PET100: variants seen among roughly 807,000 people sequenced by gnomAD.
PET100 encodes the protein protein PET100 homolog, mitochondrial.
A neutral mutation model predicts 13.6 loss-of-function variants in PET100; 13 were observed. The ratio of observed to expected loss-of-function variants is 0.96; its 90% CI spans 0.62 to 1.52. PET100 has a LOEUF of 1.52. Among genes scored for constraint, PET100 ranks in the 40% most tolerant of loss-of-function variants. PET100 has a pLI of 0.00. For missense variants in PET100, 94 were observed against 95.3 expected (o/e 0.99, Z 0.06); for synonymous variants, 28 against 30.8 (o/e 0.91, Z 0.30).
Position 7,631,680 on chromosome 19 carries a change from C to T in PET100, c.*124C>T, listed in dbSNP as rs780419820. On this transcript the variant is annotated 3_prime_UTR_variant, in exon 4 of 4. Transcript: ENST00000594797. ...GGGGGCCGAGTGAGACCCAGGATGC[C>T]TCAGGCCCTCAGGGGGCTTGTGTCG... 1.4e-6 allele frequency: 2 copies of T among 1,459,334 alleles called. No homozygotes were observed. Among genetic ancestry groups the T allele is most frequent in the East Asian group, 2.6e-5 (1 of 38,968 alleles). 90.4% of individuals were successfully genotyped at this position (1,459,334 alleles called of 1,614,324 possible).
At chr19:7,629,884 G>A (rs1375581132) in intron 1 of PET100, 24 bp downstream of exon 1, 1 of 1,519,674 alleles carries the variant, frequency 6.6e-7, no homozygotes, top group Non-Finnish European at 8.8e-7. Context: ...GGAGTGGGTT[G>A]GGAGGCTGGG....
intron 1 of PET100, 53 bp downstream of exon 1, chr19:7,629,913 C>T: frequency 1.3e-6 from 2 of 1,481,674 alleles, no homozygotes; most frequent in South Asian, 2.6e-5. Context: ...CTTCCTGGAT[C>T]TGAAGATGAG....
At chr19:7,630,768 A>C in intron 2 of PET100, 55 bp from the exon 3 acceptor site, 1 of 1,536,886 alleles carries the variant, frequency 6.5e-7, no homozygotes, top group South Asian at 1.2e-5. Context: ...CCCTGCCCTG[A>C]TGTGGGGCTC....
chr19:7,629,885 G>A, intron 1 of PET100, 25 bp downstream of exon 1: 5 of 1,519,982 alleles, frequency 3.3e-6, no homozygotes, highest in East Asian at 2.5e-5. Flanking sequence ...GAGTGGGTTG[G>A]GAGGCTGGGC....
Position 7,631,910 on chromosome 19 carries a change from C to T in PET100, c.*354C>T. ...GGTGCAGGTAGCCACCGTGTCCCAC[C>T]TCATTGTGAGCACTGGTCTATGTTT... On this transcript the variant is annotated 3_prime_UTR_variant, in exon 4 of 4. Transcript: ENST00000594797. 2 of 1,178,544 alleles carry T rather than the reference C, an allele frequency of 1.7e-6. No individual in the cohort carries two copies. The highest frequency in any genetic ancestry group is 2.2e-6 in the Non-Finnish European group (2 of 895,332). 73.0% of individuals were successfully genotyped at this position (1,178,544 alleles called of 1,614,324 possible). A position where few individuals can be genotyped will look rare whatever the true frequency, so the allele number is the denominator to read the frequency against.
At chr19:7,631,037 C>A in intron 3 of PET100, 191 bp downstream of exon 3, 1 of 792,104 alleles carries the variant, frequency 1.3e-6, no homozygotes, top group East Asian at 2.7e-5. Context: ...GGCGAAACCC[C>A]ATGTCTACAG....
chr19:7,630,685 G>C (rs1326394199), intron 2 of PET100, 26 bp downstream of exon 2: 5 of 1,534,608 alleles, frequency 3.3e-6, no homozygotes, highest in Non-Finnish European at 4.4e-6. Context: ...GTGTTTGAGG[G>C]TTCATTCCAG....
rs375968935 is a variant in PET100 at position 7,631,535 on chromosome 19, C to T, written c.201C>T (p.Arg67=). The change falls in exon 4 of 4, where the codon CGC becomes CGT. Residue 67 remains arginine, a synonymous_variant. Transcript: ENST00000594797. Reference sequence around the variant, plus strand: ...AGCGGCGGGAGGAGAAGCTCCTTCGCGACGCCCAGCAGAACTCCTGAGGCC... The same window carrying T: ...AGCGGCGGGAGGAGAAGCTCCTTCGTGACGCCCAGCAGAACTCCTGAGGCC... ...LRKRREEKLL[R]DAQQNS 315 of 1,535,796 alleles carry T rather than the reference C, an allele frequency of 2.1e-4. 2 individuals are homozygous for T. The African/African-American group carries it at 3.6e-3, about 17-fold the overall frequency.
intron 2 of PET100, 46 bp downstream of exon 2, chr19:7,630,705 A>T (rs2031261909): frequency 1.3e-6 from 2 of 1,531,196 alleles, no homozygotes; most frequent in Admixed American, 2.0e-5. Context: ...GGGGTGGGAG[A>T]GGGTGTGGGG....
chr19:7,630,071 TGA>T (rs2031240561), intron 1 of PET100: 1 of 478,122 alleles, frequency 2.1e-6, no homozygotes, highest in African/African-American at 2.4e-5. Context: ...TTGGGGGCTG[TGA>T]GAGGGCTGGT....
chr19:7,630,554 C>T lies in PET100; in HGVS notation c.28-19C>T. ...ATTGCTTGGGGGGAGCTCACCTCAC[C>T]CACCCTCTGCCATTCCAGATGATAA... On this transcript the variant is annotated intron_variant, in intron 1 of 3. Coordinates refer to ENST00000594797, the MANE Select transcript of PET100 (RefSeq NM_001171155.2). The T allele has an allele frequency of 6.5e-7, 1 of 1,529,054 alleles. No individual in the cohort carries two copies. Among genetic ancestry groups the T allele is most frequent in the East Asian group, 2.4e-5 (1 of 40,882 alleles). The allele number at this position is 1,529,054 out of a possible 1,614,324, so 94.7% of individuals were successfully genotyped here.
In PET100 at chr19:7,631,312, G is replaced by A. The variant is rs113124654; in HGVS notation, c.139-161G>A. On this transcript the variant is annotated intron_variant, in intron 3 of 3. Transcript: ENST00000594797. The stretch of plus-strand genomic sequence containing the variant: ...TGGAAGAGTGAAGCGGATCCCACGC[G>A]GACCCCTTTGTAATTGGCAGGGGGC... 2,720 of 1,411,512 alleles carry A rather than the reference G, an allele frequency of 1.9e-3. 39 individuals carry two copies. In the African/African-American group the frequency reaches 0.033, roughly 17 times the overall value. The allele number at this position is 1,411,512 out of a possible 1,614,324, so 87.4% of individuals were successfully genotyped here.
intron 3 of PET100, 188 bp from the exon 4 acceptor site, chr19:7,631,285 C>A: frequency 7.1e-7 from 1 of 1,413,252 alleles, no homozygotes; most frequent in Non-Finnish European, 9.2e-7. Context: ...ATTGCCTTCT[C>A]CTGGAAGAGT....
Position 7,630,648 on chromosome 19 carries a change from A to T in PET100, c.103A>T (p.Ile35Leu), listed in dbSNP as rs1169707336. The T allele has an allele frequency of 3.3e-6, 5 of 1,537,050 alleles. No individual in the cohort carries two copies. The highest frequency in any genetic ancestry group is 2.0e-5 in the Admixed American group (1 of 50,976). Residue 35 changes from isoleucine (I) to leucine (L), a missense_variant, in exon 2 of 4, where the codon ATA (isoleucine) becomes TTA (leucine). Transcript: ENST00000594797. ...GGCCGAGTGGTTTGAGGACGATGTC[A>T]TACAGCGCAAGGTGGGCATAAGAGG... ...NQAEWFEDDV[I>L]QRKRELWPPE...
At chr19:7,631,441 C>G (rs761398599) in intron 3 of PET100, 32 bp from the exon 4 acceptor site, 48 of 1,522,204 alleles carry the variant, frequency 3.2e-5, no homozygotes, top group Middle Eastern at 3.7e-4. Flanking sequence ...GCCCCTCCCC[C>G]CTTCCTGTCC....
At chr19:7,631,366 C>A in intron 3 of PET100, 107 bp from the exon 4 acceptor site, 1 of 987,948 alleles carries the variant, frequency 1.0e-6, no homozygotes, top group Non-Finnish European at 1.3e-6. Context: ...ACCCTGAAGC[C>A]GTGGTCTGGG....
Position 7,631,613 on chromosome 19 carries a change from C to G in PET100, c.*57C>G, listed in dbSNP as rs769313453. The stretch of plus-strand genomic sequence containing the variant: ...TGATGAAATATACATATACTCAGTT[C>G]CTTGTTATTCATTTAAGTGTTTTAT... On this transcript the variant is annotated 3_prime_UTR_variant, in exon 4 of 4. Transcript: ENST00000594797. The G allele has an allele frequency of 4.8e-6, 7 of 1,469,310 alleles. No homozygotes were observed. Among genetic ancestry groups the G allele is most frequent in the Middle Eastern group, 1.8e-4 (1 of 5,600 alleles). The allele number at this position is 1,469,310 out of a possible 1,614,324, so 91.0% of individuals were successfully genotyped here.
At chr19:7,631,410 GGT>G (rs2146194179) in intron 3 of PET100, 61 bp from the exon 4 acceptor site, 3 of 821,194 alleles carry the variant, frequency 3.7e-6, no homozygotes, top group African/African-American at 2.2e-5. Context: ...GGGGGGGGGT[GGT>G]CCCGGCTCTG....
At position 7,631,749 on chromosome 19, in the gene PET100, G is replaced by A. The variant is rs527724250; in HGVS notation, c.*193G>A. 5.6e-6 allele frequency: 8 copies of A among 1,440,300 alleles called. No individual in the cohort carries two copies. In the African/African-American group the frequency reaches 1.0e-4, roughly 18 times the overall value. 89.2% of individuals were successfully genotyped at this position (1,440,300 alleles called of 1,614,324 possible). ...TCCGACGGAAGCCGAGAGCGGTCGG[G>A]TCCTGAGGGGTGAGCAGGGGTTGGG... On this transcript the variant is annotated 3_prime_UTR_variant, in exon 4 of 4. Transcript: ENST00000594797.
Sources: allele counts gnomAD v4.1 joint callset, GRCh38; gene constraint gnomAD v4.1.1; transcripts MANE v1.5; gene names NCBI Gene and HGNC (gene_info 2026-07-23, HGNC 2026-07-21).